The following MAMDC2 variants were observed in gnomAD, a reference collection of about 807,000 sequenced individuals.
The protein encoded by MAMDC2 is MAM domain containing 2, also known as MAM domain-containing protein 2.
MAMDC2 carries 57 observed loss-of-function variants against 89.8 expected under a neutral mutation model. The observed-to-expected ratio is 0.63, with a 90% CI of 0.51 to 0.79. The LOEUF (loss-of-function observed/expected upper bound fraction) is 0.79. Ranked by LOEUF, MAMDC2 falls within the 30% of genes least tolerant of loss-of-function variation. The probability of loss-of-function intolerance (pLI) is 0.00; values close to 1 mark genes in which losing one functional copy is unlikely to be tolerated. For missense variants in MAMDC2, 800 were observed against 820.6 expected, an observed-to-expected ratio of 0.97 and a Z score of 0.31; for synonymous variants, 313 against 293.4, an observed-to-expected ratio of 1.07 and a Z score of -0.68.
rs1033062145 is a variant in MAMDC2 at position 70,116,041 on chromosome 9, C to T, written c.643+2909C>T. ...TTGAAAGGCTGATGCATCAAAATGACGATTATTTCTTGTGTCATTATCACA... is the reference window on the plus strand; with the variant it reads ...TTGAAAGGCTGATGCATCAAAATGATGATTATTTCTTGTGTCATTATCACA... On this transcript the variant is annotated intron_variant, in intron 5 of 13. Coordinates refer to ENST00000377182, the MANE Select transcript of MAMDC2 (RefSeq NM_153267.5). 1.9e-4 allele frequency among the ~76,000 whole-genome samples: 29 copies of T among 152,120 alleles called. 1 individual carries two copies. The highest frequency in any genetic ancestry group is 2.0e-4 in the Admixed American group (3 of 15,280).
intron 4 of MAMDC2, among the ~76,000 whole-genome samples, chr9:70,110,289 A>G (rs1231538640): frequency 1.3e-5 from 2 of 152,218 alleles, no homozygotes; most frequent in African/African-American, 4.8e-5. Context: ...AGAGGGCATA[A>G]AGAAAGGATA....
At chr9:70,195,158 T>A (rs879443445) in intron 11 of MAMDC2, among the ~76,000 whole-genome samples, 3 of 150,710 alleles carry the variant, frequency 2.0e-5, no homozygotes, top group Admixed American at 6.6e-5. Flanking sequence ...GGCAAAAAAA[T>A]ATCACAAAAA....
At chr9:70,219,295 A>G (rs2033511107) in intron 12 of MAMDC2, among the ~76,000 whole-genome samples, 1 of 152,242 alleles carries the variant, frequency 6.6e-6, no homozygotes, top group African/African-American at 2.4e-5. Flanking sequence ...CCTGCCTACC[A>G]TGAGCCAAAG....
chr9:70,134,942 T>G (rs2030948298), intron 7 of MAMDC2, among the ~76,000 whole-genome samples: 1 of 152,202 alleles, frequency 6.6e-6, no homozygotes, highest in African/African-American at 2.4e-5. Context: ...CCCCAGTATC[T>G]ATCTTTTAGT....
chr9:70,081,818 C>A (rs1827660162), intron 2 of MAMDC2: 1 of 151,672 alleles, frequency 6.6e-6, no homozygotes, highest in Non-Finnish European at 1.5e-5. Flanking sequence ...CAGGCTCAAT[C>A]CACTAAGCGA....
chr9:70,213,601 A>G (rs942191859), intron 11 of MAMDC2, among the ~76,000 whole-genome samples: 7 of 152,190 alleles, frequency 4.6e-5, no homozygotes, highest in African/African-American at 1.7e-4. Flanking sequence ...GATTATGTAT[A>G]TCTGTATTGT....
chr9:70,097,743 C>G (rs1245269912), intron 2 of MAMDC2, among the ~76,000 whole-genome samples: 1 of 152,124 alleles, frequency 6.6e-6, no homozygotes, highest in Non-Finnish European at 1.5e-5. Context: ...ATCAACCATC[C>G]TCAGTATGCT....
chr9:70,158,006 G>C (rs915357428), intron 9 of MAMDC2, among the ~76,000 whole-genome samples: 1 of 152,112 alleles, frequency 6.6e-6, no homozygotes, highest in Non-Finnish European at 1.5e-5. Flanking sequence ...ACCCAGGCTG[G>C]AGTCCAGTGG....
intron 9 of MAMDC2, among the ~76,000 whole-genome samples, chr9:70,154,808 G>C (rs1313709798): frequency 6.6e-6 from 1 of 152,068 alleles, no homozygotes; most frequent in Non-Finnish European, 1.5e-5. Context: ...CACCGTGCTT[G>C]GCTTGTTTTG....
intron 9 of MAMDC2, among the ~76,000 whole-genome samples, chr9:70,164,725 T>C (rs550071606): frequency 1.1e-3 from 167 of 152,100 alleles, no homozygotes; most frequent in African/African-American, 3.8e-3. Context: ...CATGGCTCAC[T>C]GCAGGCTCCA....
chr9:70,151,707 G>A (rs1035541639), intron 9 of MAMDC2, among the ~76,000 whole-genome samples: 1 of 152,116 alleles, frequency 6.6e-6, no homozygotes, highest in African/African-American at 2.4e-5. Context: ...AGCCTGCCTT[G>A]GGGTGTAGGC....
chr9:70,101,990 C>G (rs370833829), intron 2 of MAMDC2, among the ~76,000 whole-genome samples: 1 of 152,116 alleles, frequency 6.6e-6, no homozygotes, highest in Non-Finnish European at 1.5e-5. Context: ...ATGTACAACA[C>G]GGCCAATTTT....
intron 9 of MAMDC2, among the ~76,000 whole-genome samples, chr9:70,149,803 A>G (rs970955534): frequency 1.3e-5 from 2 of 152,198 alleles, no homozygotes; most frequent in Non-Finnish European, 2.9e-5. Context: ...CAATAAAAGC[A>G]AAAAAGAAGA....
At chr9:70,094,754 A>G (rs940508526) in intron 2 of MAMDC2, among the ~76,000 whole-genome samples, 1 of 152,228 alleles carries the variant, frequency 6.6e-6, no homozygotes, top group Non-Finnish European at 1.5e-5. Flanking sequence ...GGGTACCCCT[A>G]TATGCTTAAA....
intron 7 of MAMDC2, among the ~76,000 whole-genome samples, chr9:70,135,428 GCAC>G (rs2030966561): frequency 2.6e-5 from 4 of 152,268 alleles, no homozygotes; most frequent in African/African-American, 9.6e-5. Context: ...GGTAGAAGCA[GCAC>G]TCTAGGTGAA....
intron 2 of MAMDC2, among the ~76,000 whole-genome samples, chr9:70,104,980 A>C (rs1828297057): frequency 6.6e-6 from 1 of 150,834 alleles, no homozygotes; most frequent in Non-Finnish European, 1.5e-5. Flanking sequence ...AATTTGATTA[A>C]GATGGAATAA....
chr9:70,136,652 G>T (rs2031023174), intron 7 of MAMDC2, among the ~76,000 whole-genome samples: 1 of 152,184 alleles, frequency 6.6e-6, no homozygotes, highest in South Asian at 2.1e-4. Flanking sequence ...AAAGGAGGAA[G>T]GGGGAAGATT....
intron 9 of MAMDC2, among the ~76,000 whole-genome samples, chr9:70,155,467 T>C (rs1161562137): frequency 6.6e-6 from 1 of 152,240 alleles, no homozygotes; most frequent in Non-Finnish European, 1.5e-5. Context: ...ATCTAGGCAT[T>C]TGATCTCACC....
chr9:70,145,168 T>A (rs976356973), intron 9 of MAMDC2, among the ~76,000 whole-genome samples: 2 of 152,230 alleles, frequency 1.3e-5, no homozygotes, highest in Non-Finnish European at 2.9e-5. Context: ...ATTATTTGTA[T>A]GCGAATTAAG....
Sources: allele counts gnomAD v4.1 joint callset (sites outside exome capture counted in the v4.1 genomes callset), GRCh38; gene constraint gnomAD v4.1.1; transcripts MANE v1.5; gene names NCBI Gene and HGNC (gene_info 2026-07-23, HGNC 2026-07-21).